Variants in PPTC7 observed in about 807,000 individuals in gnomAD.
PPTC7 encodes the protein protein phosphatase targeting COQ7.
Under a neutral mutation model 30.8 loss-of-function variants are expected in PPTC7, and 6 were observed. That is an observed-to-expected ratio of 0.19 (90% CI 0.11 to 0.38). The LOEUF (loss-of-function observed/expected upper bound fraction) is 0.38. PPTC7 is among the 10% of genes least tolerant of loss of function. PPTC7 has a pLI of 1.00. For missense variants in PPTC7, 218 were observed against 404.8 expected, an observed-to-expected ratio of 0.54 and a Z score of 3.96; for synonymous variants, 163 against 168.1, an observed-to-expected ratio of 0.97 and a Z score of 0.23.
At chr12:110,580,394 A>G (rs1416292487) in intron 1 of PPTC7, among the ~76,000 whole-genome samples, 1 of 152,170 alleles carries the variant, frequency 6.6e-6, no homozygotes. Context: ...GCTGGAGTGC[A>G]GTGGTGTGAT....
chr12:110,545,935 G>C lies in PPTC7; in HGVS notation c.547C>G (p.Pro183Ala). ...SDEQQHYFNTPFQLSIAPPEA... is the reference protein window; with the variant it reads ...SDEQQHYFNTAFQLSIAPPEA... Reference sequence around the variant, plus strand: ...GGGGGAGCGATTGAGAGCTGGAATGGAGTGTTGAAGTAATGCTGCTGCTCA... The same window carrying C: ...GGGGGAGCGATTGAGAGCTGGAATGCAGTGTTGAAGTAATGCTGCTGCTCA... The change falls in exon 3 of 6, where the codon CCA becomes GCA. Residue 183 changes from proline to alanine, a missense_variant. Pro to Ala is a conservative substitution (Grantham distance 27, BLOSUM62 -1). Transcript: ENST00000354300. 6.2e-7 allele frequency: 1 copy of C among 1,614,116 alleles called. No individual in the cohort carries two copies. Among genetic ancestry groups the C allele is most frequent in the Non-Finnish European group, 8.5e-7 (1 of 1,180,036 alleles).
intron 1 of PPTC7, among the ~76,000 whole-genome samples, chr12:110,564,004 C>G (rs1255149747): frequency 6.6e-6 from 1 of 152,214 alleles, no homozygotes; most frequent in South Asian, 2.1e-4. Flanking sequence ...AATACCAATA[C>G]TTAATGTGGA....
At chr12:110,582,466 T>TGTCGCCCAGGGAGGGGACGAG (rs1207656715) in intron 1 of PPTC7, among the ~76,000 whole-genome samples, 3 of 152,052 alleles carry the variant, frequency 2.0e-5, no homozygotes, top group Non-Finnish European at 4.4e-5. Flanking sequence ...AGCCTGCAGG[T>TGTCGCCCAGGGAGGGGACGAG]GTCGCCCAGG....
intron 1 of PPTC7, among the ~76,000 whole-genome samples, chr12:110,569,895 T>G (rs1404856829): frequency 1.3e-5 from 2 of 152,188 alleles, no homozygotes; most frequent in East Asian, 3.8e-4. Context: ...ACTAAAATGT[T>G]GGCAAAGTTT....
At chr12:110,571,588 G>A (rs1347130475) in intron 1 of PPTC7, among the ~76,000 whole-genome samples, 1 of 152,186 alleles carries the variant, frequency 6.6e-6, no homozygotes, top group African/African-American at 2.4e-5. Context: ...AAATACTCAT[G>A]TATAGAATTG....
intron 1 of PPTC7, among the ~76,000 whole-genome samples, chr12:110,580,501 C>T (rs1355252519): frequency 6.6e-6 from 1 of 151,640 alleles, no homozygotes; most frequent in Admixed American, 6.6e-5. Flanking sequence ...ACCACACCTG[C>T]CTAATTTTTG....
intron 1 of PPTC7, among the ~76,000 whole-genome samples, chr12:110,552,540 G>C (rs952192046): frequency 6.6e-6 from 1 of 152,180 alleles, no homozygotes; most frequent in African/African-American, 2.4e-5. Context: ...CGAAATGAGG[G>C]AAGCCCAACT....
chr12:110,567,094 C>A (rs952357225), intron 1 of PPTC7, among the ~76,000 whole-genome samples: 19 of 152,266 alleles, frequency 1.2e-4, no homozygotes, highest in Admixed American at 1.2e-3. Context: ...AATACCAGTG[C>A]CTTTATAGCG....
intron 1 of PPTC7, among the ~76,000 whole-genome samples, chr12:110,558,558 A>C (rs978463726): frequency 3.9e-5 from 6 of 152,286 alleles, no homozygotes; most frequent in Non-Finnish European, 7.3e-5. Context: ...TAATGGTTAC[A>C]TATCAGAAAT....
intron 1 of PPTC7, among the ~76,000 whole-genome samples, chr12:110,571,004 C>T (rs1253371275): frequency 3.9e-5 from 6 of 152,278 alleles, no homozygotes; most frequent in African/African-American, 7.2e-5. Context: ...CCCACCCCTA[C>T]ATCTGGCGCC....
chr12:110,540,302 G>A (rs1187830815), intron 3 of PPTC7, among the ~76,000 whole-genome samples: 2 of 141,210 alleles, frequency 1.4e-5, no homozygotes, highest in African/African-American at 5.3e-5. Flanking sequence ...CTTTACAGCC[G>A]AATTCCATCC....
At chr12:110,580,502 C>T (rs1032319233) in intron 1 of PPTC7, among the ~76,000 whole-genome samples, 1 of 151,942 alleles carries the variant, frequency 6.6e-6, no homozygotes, top group African/African-American at 2.4e-5. Context: ...CCACACCTGC[C>T]TAATTTTTGT....
At chr12:110,549,239 C>T (rs1254499489) in intron 2 of PPTC7, among the ~76,000 whole-genome samples, 1 of 152,110 alleles carries the variant, frequency 6.6e-6, no homozygotes, top group African/African-American at 2.4e-5. Flanking sequence ...CTGAGGAAAT[C>T]ATATATGCCA....
Position 110,568,536 on chromosome 12 carries a change from G to A in PPTC7, c.223+14273C>T, listed in dbSNP as rs1457438069. On this transcript the variant is annotated intron_variant, in intron 1 of 5. Coordinates refer to ENST00000354300, the MANE Select transcript of PPTC7 (RefSeq NM_139283.2). ...CAAAGTGCTGGGATTACAGGCGTGA[G>A]CCACCACGCCTGGCCCTCATGCATA... Among the ~76,000 whole-genome samples, 4 of 152,192 alleles carry A rather than the reference G, an allele frequency of 2.6e-5. No individual in the cohort carries two copies. The South Asian group carries it at 8.3e-4, about 31-fold the overall frequency.
chr12:110,565,831 T>A (rs1461152238), intron 1 of PPTC7, among the ~76,000 whole-genome samples: 1 of 152,146 alleles, frequency 6.6e-6, no homozygotes, highest in Non-Finnish European at 1.5e-5. Flanking sequence ...GATATATGAC[T>A]ATAATAAAGT....
At chr12:110,567,747 C>T (rs1049669362) in intron 1 of PPTC7, among the ~76,000 whole-genome samples, 4 of 152,258 alleles carry the variant, frequency 2.6e-5, no homozygotes, top group Middle Eastern at 3.4e-3. Flanking sequence ...CCATGTTACT[C>T]CTCTAGTCAA....
At chr12:110,546,235 C>G in intron 2 of PPTC7, 157 bp from the exon 3 acceptor site, 2 of 621,996 alleles carry the variant, frequency 3.2e-6, no homozygotes, top group South Asian at 3.9e-5. Context: ...CTACGAATAT[C>G]AATAAAATCC....
chr12:110,551,643 A>G, intron 2 of PPTC7, 146 bp downstream of exon 2: 3 of 727,092 alleles, frequency 4.1e-6, no homozygotes, highest in Non-Finnish European at 6.8e-6. Context: ...CACTGCGCCC[A>G]GCGGTTAGCC....
intron 1 of PPTC7, among the ~76,000 whole-genome samples, chr12:110,555,107 T>C (rs1036643598): frequency 3.9e-5 from 6 of 152,110 alleles, no homozygotes; most frequent in African/African-American, 1.2e-4. Flanking sequence ...CCCTGAAAAA[T>C]TGGCTTAACA....
Sources: gnomAD v4.1 joint callset for allele counts (sites outside exome capture counted in the v4.1 genomes callset) on GRCh38, gnomAD v4.1.1 for gene constraint, MANE v1.5 for transcripts, NCBI Gene and HGNC (gene_info 2026-07-23, HGNC 2026-07-21) for gene names.